ARHGAP15: variants seen among roughly 807,000 people sequenced by gnomAD.
ARHGAP15 encodes rho GTPase-activating protein 15.
A neutral mutation model predicts 63.7 loss-of-function variants in ARHGAP15; 51 were observed. That is an observed-to-expected ratio of 0.80 (90% confidence interval 0.64 to 1.01). ARHGAP15 has a LOEUF of 1.01. ARHGAP15 is among the 50% of genes least tolerant of loss of function. The pLI, the probability that ARHGAP15 is intolerant of heterozygous loss-of-function variation, is 0.00. For synonymous variants in ARHGAP15, 191 were observed against 193.8 expected, an observed-to-expected ratio of 0.99 and a Z score of 0.12; for missense variants, 560 against 564.6, an observed-to-expected ratio of 0.99 and a Z score of 0.08.
intron 11 of ARHGAP15, among the ~76,000 whole-genome samples, chr2:143,618,125 T>C (rs956895727): frequency 6.6e-5 from 10 of 152,152 alleles, no homozygotes; most frequent in African/African-American, 2.4e-4. Flanking sequence ...ACCTCTCTAA[T>C]CCACCAGAAA....
At chr2:143,133,378 T>C (rs1298262807) in intron 1 of ARHGAP15, among the ~76,000 whole-genome samples, 1 of 152,222 alleles carries the variant, frequency 6.6e-6, no homozygotes, top group Non-Finnish European at 1.5e-5. Context: ...TGGATATAAG[T>C]AACAGCAGGG....
intron 5 of ARHGAP15, among the ~76,000 whole-genome samples, chr2:143,232,419 C>T (rs1015184584): frequency 3.3e-5 from 5 of 152,126 alleles, no homozygotes; most frequent in South Asian, 2.1e-4. Context: ...GAAAACCACT[C>T]GTGTCCCTAG....
At chr2:143,405,551 C>T (rs1214402775) in intron 6 of ARHGAP15, among the ~76,000 whole-genome samples, 1 of 151,742 alleles carries the variant, frequency 6.6e-6, no homozygotes, top group Non-Finnish European at 1.5e-5. Flanking sequence ...TATATATTTT[C>T]TTCTGTCACT....
intron 13 of ARHGAP15, among the ~76,000 whole-genome samples, chr2:143,753,801 T>G (rs1423205284): frequency 6.6e-6 from 1 of 152,198 alleles, no homozygotes; most frequent in Non-Finnish European, 1.5e-5. Flanking sequence ...TCTAAATTCC[T>G]CTCACCAGTT....
intron 13 of ARHGAP15, among the ~76,000 whole-genome samples, chr2:143,735,147 C>A (rs1685695836): frequency 6.6e-6 from 1 of 152,098 alleles, no homozygotes; most frequent in African/African-American, 2.4e-5. Flanking sequence ...ATTTCTTTTT[C>A]TCTCCTAAAT....
intron 8 of ARHGAP15, among the ~76,000 whole-genome samples, chr2:143,446,834 T>C (rs1690166086): frequency 2.8e-5 from 4 of 141,038 alleles, no homozygotes; most frequent in Admixed American, 2.3e-4. Context: ...TGTGTCCATG[T>C]GTTCTCATTG....
intron 12 of ARHGAP15, among the ~76,000 whole-genome samples, chr2:143,676,834 C>G (rs1474284632): frequency 6.6e-6 from 1 of 152,038 alleles, no homozygotes; most frequent in Non-Finnish European, 1.5e-5. Context: ...AAAAAGGTGC[C>G]AACAGACTTG....
At chr2:143,672,795 A>C (rs188025337) in intron 12 of ARHGAP15, among the ~76,000 whole-genome samples, 1 of 152,212 alleles carries the variant, frequency 6.6e-6, no homozygotes, top group Non-Finnish European at 1.5e-5. Flanking sequence ...CATAATTTAG[A>C]GTTGATTGAA....
chr2:143,719,097 C>A (rs770776720), intron 13 of ARHGAP15, among the ~76,000 whole-genome samples: 1 of 152,174 alleles, frequency 6.6e-6, no homozygotes, highest in African/African-American at 2.4e-5. Context: ...GGGACAGAAC[C>A]GCTGTAAGGG....
intron 2 of ARHGAP15, among the ~76,000 whole-genome samples, chr2:143,192,113 A>G (rs560783973): frequency 1.3e-5 from 2 of 152,366 alleles, no homozygotes; most frequent in South Asian, 4.1e-4. Context: ...CTTTAGTGGT[A>G]TATGACAGCT....
chr2:143,293,910 C>G (rs1682517882), intron 6 of ARHGAP15, among the ~76,000 whole-genome samples: 1 of 151,952 alleles, frequency 6.6e-6, no homozygotes, highest in African/African-American at 2.4e-5. Context: ...ATAGTTAAGG[C>G]AGAGACAACA....
chr2:143,767,854 T>C (rs1411929322), intron 13 of ARHGAP15, 135 bp from the exon 14 acceptor site: 8 of 848,480 alleles, frequency 9.4e-6, no homozygotes, highest in Non-Finnish European at 1.4e-5. Context: ...CAGTAAAGTA[T>C]GTAGGGTAGA....
At chr2:143,541,564 G>A (rs1429143151) in intron 10 of ARHGAP15, among the ~76,000 whole-genome samples, 5 of 152,156 alleles carry the variant, frequency 3.3e-5, no homozygotes, top group Non-Finnish European at 7.4e-5. Context: ...TGGTGTGGAT[G>A]TCCTTTCTCT....
intron 6 of ARHGAP15, among the ~76,000 whole-genome samples, chr2:143,367,568 G>T: frequency 6.6e-6 from 1 of 151,562 alleles, no homozygotes; most frequent in South Asian, 2.1e-4. Flanking sequence ...ATTGCCTTTG[G>T]GCATACATTA....
At chr2:143,259,644 G>C (rs1311848844) in intron 6 of ARHGAP15, among the ~76,000 whole-genome samples, 1 of 152,104 alleles carries the variant, frequency 6.6e-6, no homozygotes, top group Non-Finnish European at 1.5e-5. Flanking sequence ...ATTTAAAGAA[G>C]AGCTTTAAGT....
At chr2:143,631,239 T>G (rs1378462629) in intron 12 of ARHGAP15, among the ~76,000 whole-genome samples, 4 of 152,114 alleles carry the variant, frequency 2.6e-5, no homozygotes, top group Non-Finnish European at 4.4e-5. Flanking sequence ...TTTGGGTTGT[T>G]TCTAGTCTTT....
intron 6 of ARHGAP15, among the ~76,000 whole-genome samples, chr2:143,396,751 C>T (rs997180530): frequency 1.3e-5 from 2 of 151,800 alleles, no homozygotes; most frequent in African/African-American, 4.8e-5. Flanking sequence ...ACATTGAGGT[C>T]CAAATGGCTC....
chr2:143,292,015 A>T (rs1262063181), intron 6 of ARHGAP15, among the ~76,000 whole-genome samples: 1 of 152,150 alleles, frequency 6.6e-6, no homozygotes, highest in Non-Finnish European at 1.5e-5. Context: ...AACTACCTCT[A>T]ACGCGATGGC....
At chr2:143,386,768 A>G (rs1409086852) in intron 6 of ARHGAP15, among the ~76,000 whole-genome samples, 1 of 152,170 alleles carries the variant, frequency 6.6e-6, no homozygotes, top group African/African-American at 2.4e-5. Flanking sequence ...TTGCCATGTA[A>G]TATTTTACCA....
Sources: gnomAD v4.1 joint callset for allele counts (sites outside exome capture counted in the v4.1 genomes callset) on GRCh38, gnomAD v4.1.1 for gene constraint, MANE v1.5 for transcripts, NCBI Gene and HGNC (gene_info 2026-07-23, HGNC 2026-07-21) for gene names.